MACF1: variants seen among roughly 807,000 people sequenced by gnomAD.
MACF1 encodes microtubule actin crosslinking factor 1.
Under a neutral mutation model 854.8 loss-of-function variants are expected in MACF1, and 193 were observed. That is an observed-to-expected ratio of 0.23 (90% CI 0.20 to 0.25). The LOEUF (loss-of-function observed/expected upper bound fraction) is 0.25. Ranked by LOEUF, MACF1 falls within the 10% of genes least tolerant of loss-of-function variation. MACF1 has a pLI of 1.00. For missense variants in MACF1, 7,722 were observed against 8,929.1 expected, an observed-to-expected ratio of 0.86 and a Z score of 5.45; for synonymous variants, 3,185 against 3,226.7, an observed-to-expected ratio of 0.99 and a Z score of 0.44.
At chr1:39,231,148 C>G in intron 1 of MACF1, 34 bp from the exon 2 acceptor site, 1 of 1,593,080 alleles carries the variant, frequency 6.3e-7, no homozygotes, top group Non-Finnish European at 8.6e-7. Context: ...CTGGGTAGCA[C>G]TAAGCCAGTG....
At chr1:39,197,702 T>C (rs115511541) in intron 2 of MACF1, among the ~76,000 whole-genome samples, 6 of 151,860 alleles carry the variant, frequency 4.0e-5, no homozygotes, top group Non-Finnish European at 7.4e-5. Context: ...CTGGACTACA[T>C]AGTGAGACCC....
In MACF1 at chr1:39,348,949, A is replaced by G. The variant is rs1021446083; in HGVS notation, c.10816-529A>G. 4.6e-5 allele frequency among the ~76,000 whole-genome samples: 7 copies of G among 152,304 alleles called. No homozygotes were observed. In the East Asian group the frequency reaches 1.3e-3, roughly 29 times the overall value. On this transcript the variant is annotated intron_variant, in intron 41 of 100. Coordinates refer to ENST00000564288, the MANE Select transcript of MACF1 (RefSeq NM_001394062.1). ...TTCATGCCTGGCGTGTAATCATTTT[A>G]TTTAATGAGTCTCTGGATTGATGAG...
intron 2 of MACF1, among the ~76,000 whole-genome samples, chr1:39,101,837 G>T (rs574514964): frequency 7.4e-4 from 106 of 143,926 alleles, no homozygotes; most frequent in Admixed American, 1.6e-3. Flanking sequence ...AAAAAAGAAA[G>T]GAAAGAAAGA....
chr1:39,237,899 A>G (rs1644877655), intron 2 of MACF1, among the ~76,000 whole-genome samples: 3 of 152,336 alleles, frequency 2.0e-5, no homozygotes, highest in Admixed American at 2.0e-4. Flanking sequence ...ACATAAAAAT[A>G]GAAGTTTGAG....
chr1:39,311,048 C>G (rs1339404557), intron 26 of MACF1, 48 bp downstream of exon 26: 1 of 1,577,216 alleles, frequency 6.3e-7, no homozygotes, highest in Admixed American at 1.8e-5. Context: ...TGAATGCTTT[C>G]AGAGTTCATT....
chr1:39,330,440 G>T (rs1646699136), intron 36 of MACF1, among the ~76,000 whole-genome samples: 1 of 152,188 alleles, frequency 6.6e-6, no homozygotes, highest in Non-Finnish European at 1.5e-5. Flanking sequence ...GCAGGGAATT[G>T]CTACTTCTAG....
intron 2 of MACF1, among the ~76,000 whole-genome samples, chr1:39,091,201 C>T (rs893528108): frequency 2.6e-5 from 4 of 152,176 alleles, no homozygotes; most frequent in African/African-American, 9.7e-5. Context: ...AGGATTCTGC[C>T]TGGGGCCTCA....
chr1:39,310,526 A>G, intron 25 of MACF1, 98 bp downstream of exon 25: 1 of 1,296,942 alleles, frequency 7.7e-7, no homozygotes, highest in Non-Finnish European at 1.0e-6. Context: ...TAACATCACC[A>G]CTTTTTTCCA....
At chr1:39,241,115 C>T (rs376597628) in intron 2 of MACF1, among the ~76,000 whole-genome samples, 33 of 148,340 alleles carry the variant, frequency 2.2e-4, no homozygotes, top group African/African-American at 7.0e-4. Context: ...GAATCAATAT[C>T]GGTTTCTGTT....
At chr1:39,356,774 T>C (rs1028886601) in intron 44 of MACF1, among the ~76,000 whole-genome samples, 48 of 152,222 alleles carry the variant, frequency 3.2e-4, no homozygotes, top group African/African-American at 1.1e-3. Context: ...GCGAAGAGAG[T>C]CAGGTTTGAG....
chr1:39,241,050 G>GTTT (rs34414583), intron 2 of MACF1, among the ~76,000 whole-genome samples: 15 of 129,486 alleles, frequency 1.2e-4, no homozygotes, highest in South Asian at 5.1e-4. Context: ...ACTATAATCT[G>GTTT]TTTTTTTTTT....
At chr1:39,406,833 C>T (rs998042790) in intron 58 of MACF1, among the ~76,000 whole-genome samples, 2 of 151,446 alleles carry the variant, frequency 1.3e-5, no homozygotes, top group Non-Finnish European at 2.9e-5. Flanking sequence ...ACCAGAGGGG[C>T]CCTGGCATGC....
intron 88 of MACF1, 58 bp from the exon 89 acceptor site, chr1:39,454,851 G>A: frequency 1.4e-6 from 2 of 1,453,240 alleles, no homozygotes; most frequent in Non-Finnish European, 1.9e-6. Context: ...AAAGGGCTTT[G>A]GAAACAAAGG....
intron 2 of MACF1, among the ~76,000 whole-genome samples, chr1:39,193,298 G>A (rs527616132): frequency 2.6e-4 from 40 of 152,004 alleles, no homozygotes; most frequent in African/African-American, 9.6e-4. Context: ...TGGGGAAAAG[G>A]GTCAAAATGC....
intron 21 of MACF1, among the ~76,000 whole-genome samples, chr1:39,299,456 G>A (rs1180537719): frequency 6.6e-6 from 1 of 152,080 alleles, no homozygotes; most frequent in African/African-American, 2.4e-5. Context: ...ACTCTTTAAT[G>A]GAATTGGTAA....
intron 29 of MACF1, 115 bp downstream of exon 29, chr1:39,317,522 G>A: frequency 8.4e-7 from 1 of 1,197,006 alleles, no homozygotes; most frequent in Non-Finnish European, 1.1e-6. Context: ...AGGGAGGGGT[G>A]GAAATTTAAA....
At chr1:39,278,087 G>C (rs1180600181) in intron 6 of MACF1, among the ~76,000 whole-genome samples, 1 of 152,216 alleles carries the variant, frequency 6.6e-6, no homozygotes, top group East Asian at 1.9e-4. Context: ...GCATACTGTT[G>C]AGGCTGTTCT....
At position 39,323,069 on chromosome 1, in the gene MACF1, G is replaced by C; in HGVS notation, c.4236+61G>C. 4 of 1,498,378 alleles carry C rather than the reference G, an allele frequency of 2.7e-6. No individual in the cohort carries two copies. The South Asian group carries it at 3.4e-5, about 13-fold the overall frequency. 92.8% of individuals were successfully genotyped at this position (1,498,378 alleles called of 1,614,324 possible). A position where few individuals can be genotyped will look rare whatever the true frequency, so the allele number is the denominator to read the frequency against. ...ACAGTAAAACATCTTAGCCAGCACG[G>C]TGGTGTGTGCCTGTAGTCTCTGGTA... is the stretch of plus-strand genomic sequence containing the variant. On this transcript the variant is annotated intron_variant, in intron 33 of 100. Transcript: ENST00000564288.
chr1:39,335,164 C>T lies in MACF1; in HGVS notation c.8576C>T (p.Ser2859Leu). The change falls in exon 37 of 101, where the codon TCA becomes TTA. Residue 2859 changes from serine to leucine, a missense_variant. By Grantham distance (145) the Ser-to-Leu change is moderately radical. Transcript: ENST00000564288. The stretch of plus-strand genomic sequence containing the variant: ...GATCAACGTAAGCCAAGAATGTCTT[C>T]AGATGCTAAAGAATTTATCAGTATC... ...CKDQRKPRMS[S>L]DAKEFISIIN... The T allele has an allele frequency of 3.1e-6, 5 of 1,613,988 alleles. No individual in the cohort carries two copies. Among genetic ancestry groups the T allele is most frequent in the Non-Finnish European group, 4.2e-6 (5 of 1,179,956 alleles).
Sources: allele counts gnomAD v4.1 joint callset (sites outside exome capture counted in the v4.1 genomes callset), GRCh38; gene constraint gnomAD v4.1.1; transcripts MANE v1.5; gene names NCBI Gene and HGNC (gene_info 2026-07-23, HGNC 2026-07-21).